ABI3BP: variants seen among roughly 807,000 people sequenced by gnomAD.
The protein encoded by ABI3BP is ABI family member 3 binding protein, also known as target of Nesh-SH3.
A neutral mutation model predicts 268.6 loss-of-function variants in ABI3BP; 216 were observed. The observed-to-expected ratio is 0.80, with a 90% CI of 0.72 to 0.90. ABI3BP has a LOEUF of 0.90. ABI3BP is among the 40% of genes least tolerant of loss of function. The pLI, the probability that ABI3BP is intolerant of heterozygous loss-of-function variation, is 0.00. For missense variants in ABI3BP, 2,090 were observed against 2,182.4 expected, an observed-to-expected ratio of 0.96 and a Z score of 0.84; for synonymous variants, 730 against 730.0, an observed-to-expected ratio of 1.00 and a Z score of 0.00.
At chr3:100,937,893 T>C (rs2066968292) in intron 1 of ABI3BP, among the ~76,000 whole-genome samples, 1 of 151,956 alleles carries the variant, frequency 6.6e-6, no homozygotes, top group Admixed American at 6.6e-5. Context: ...GTCAGAAGCT[T>C]CCAAAAATCA....
chr3:100,749,567 T>TACAAAG lies in ABI3BP; in HGVS notation c.*922_*927dup, dbSNP rs71625569. 2.5e-6 allele frequency: 1 copy of TACAAAG among 397,484 alleles called. No individual in the cohort carries two copies. Among genetic ancestry groups the TACAAAG allele is most frequent in the East Asian group, 3.6e-5 (1 of 27,930 alleles). 24.6% of individuals were successfully genotyped at this position (397,484 alleles called of 1,614,324 possible). A position where few individuals can be genotyped will look rare whatever the true frequency, so the allele number is the denominator to read the frequency against. On this transcript the variant is annotated 3_prime_UTR_variant, in exon 68 of 68. Coordinates refer to ENST00000471714, the MANE Select transcript of ABI3BP (RefSeq NM_001375547.2). ...TTTATTACAGATTGAATTAAACAGTTACAAAGACATTCTCTGATACATTCA... is the reference window on the plus strand; with the variant it reads ...TTTATTACAGATTGAATTAAACAGTTACAAAGACAAAGACATTCTCTGATACATTCA...
At chr3:100,926,252 C>G in intron 2 of ABI3BP, 50 bp downstream of exon 2, 1 of 1,584,216 alleles carries the variant, frequency 6.3e-7, no homozygotes, top group Non-Finnish European at 8.7e-7. Flanking sequence ...TGTTACACCC[C>G]CCCACCTCTT....
At chr3:100,989,625 G>T (rs16843104) in intron 1 of ABI3BP, among the ~76,000 whole-genome samples, 2,320 of 152,276 alleles carry the variant, frequency 0.015, 47 homozygotes, top group East Asian at 0.055. Flanking sequence ...AGGTTCCTCT[G>T]TGGTTTTTCT....
chr3:100,774,189 TG>T (rs1474288858), intron 61 of ABI3BP, among the ~76,000 whole-genome samples: 1 of 152,230 alleles, frequency 6.6e-6, no homozygotes, highest in African/African-American at 2.4e-5. Flanking sequence ...GATTTGATCT[TG>T]GCTGTGTGAC....
At chr3:100,856,392 G>A (rs112993108) in intron 14 of ABI3BP, among the ~76,000 whole-genome samples, 5,464 of 152,202 alleles carry the variant, frequency 0.036, 151 homozygotes, top group Non-Finnish European at 0.05. Flanking sequence ...ACCTCCTAAA[G>A]GAAGCTCCCA....
At chr3:100,943,430 A>T (rs2070485620) in intron 1 of ABI3BP, among the ~76,000 whole-genome samples, 1 of 152,136 alleles carries the variant, frequency 6.6e-6, no homozygotes, top group Non-Finnish European at 1.5e-5. Context: ...AGGTACAATG[A>T]AATACATAAA....
chr3:100,925,621 C>T (rs561308703), intron 2 of ABI3BP, among the ~76,000 whole-genome samples: 1 of 151,980 alleles, frequency 6.6e-6, no homozygotes, highest in South Asian at 2.1e-4. Flanking sequence ...CGTCATGTTG[C>T]CCAGGCTGTC....
intron 9 of ABI3BP, among the ~76,000 whole-genome samples, chr3:100,869,738 T>C (rs186182574): frequency 6.6e-6 from 1 of 152,234 alleles, no homozygotes; most frequent in East Asian, 1.9e-4. Context: ...TCTTGATATA[T>C]CAACCCCTGA....
At chr3:100,943,676 G>T (rs1381975415) in intron 1 of ABI3BP, among the ~76,000 whole-genome samples, 1 of 151,974 alleles carries the variant, frequency 6.6e-6, no homozygotes, top group Non-Finnish European at 1.5e-5. Context: ...TTCATGTAAG[G>T]TCTCTTGCAC....
Position 100,817,515 on chromosome 3 carries a change from TAAAGC to T in ABI3BP, c.3089-25_3089-21del. 1 of 1,414,264 alleles carries T rather than the reference TAAAGC, an allele frequency of 7.1e-7. No homozygotes were observed. Among genetic ancestry groups the T allele is most frequent in the Non-Finnish European group, 9.4e-7 (1 of 1,065,210 alleles). The allele number at this position is 1,414,264 out of a possible 1,614,324, so 87.6% of individuals were successfully genotyped here. On this transcript the variant is annotated intron_variant, in intron 41 of 67. Transcript: ENST00000471714. ...TAACAACTAGACAAAAATAATAAAA[TAAAGC>T]AAAAAGATTTAACTTGAATATTAAT...
intron 1 of ABI3BP, among the ~76,000 whole-genome samples, chr3:100,984,269 T>C (rs1441606266): frequency 2.0e-5 from 3 of 152,210 alleles, no homozygotes; most frequent in Admixed American, 1.3e-4. Context: ...TATTGGGCTA[T>C]AGCCTGTATT....
At chr3:100,813,425 G>A (rs7612334) in intron 45 of ABI3BP, among the ~76,000 whole-genome samples, 70,286 of 151,868 alleles carry the variant, frequency 0.46, 17,747 homozygotes, top group African/African-American at 0.69. Flanking sequence ...CAGATATGTG[G>A]TTATTTTCTA....
At chr3:100,956,883 T>A (rs1199042924) in intron 1 of ABI3BP, among the ~76,000 whole-genome samples, 1 of 152,168 alleles carries the variant, frequency 6.6e-6, no homozygotes, top group Non-Finnish European at 1.5e-5. Flanking sequence ...CATGCCTGGT[T>A]ACTGTGGCTA....
At chr3:100,864,593 G>A (rs921833619) in intron 11 of ABI3BP, 11 of 489,574 alleles carry the variant, frequency 2.2e-5, no homozygotes, top group African/African-American at 1.8e-4. Flanking sequence ...AGGGCATTTA[G>A]TTAGCAATTA....
chr3:100,760,651 C>T (rs2095884303), intron 63 of ABI3BP, among the ~76,000 whole-genome samples: 1 of 152,054 alleles, frequency 6.6e-6, no homozygotes, highest in African/African-American at 2.4e-5. Flanking sequence ...CTTAAGAGAA[C>T]GATAATCCAC....
At position 100,846,402 on chromosome 3, in the gene ABI3BP, G is replaced by C. The variant is rs1280266252; in HGVS notation, c.1693C>G (p.Leu565Val). The change falls in exon 20 of 68, where the codon CTC becomes GTC. Residue 565 changes from leucine to valine, a missense_variant. By Grantham distance (32) the Leu-to-Val change is conservative. Coordinates refer to ENST00000471714, the MANE Select transcript of ABI3BP (RefSeq NM_001375547.2). ...QFISLKPKIP[L>V]SPEVTHTKPA... ...TTGGTGTGTGTCACTTCTGGGCTGA[G>C]AGGGATTTTAGGTTTCAGAGAAATA... 4.4e-6 allele frequency: 7 copies of C among 1,603,350 alleles called. No individual in the cohort carries two copies. The highest frequency in any genetic ancestry group is 6.0e-6 in the Non-Finnish European group (7 of 1,174,606).
chr3:100,896,692 T>C (rs1277569481), intron 4 of ABI3BP, among the ~76,000 whole-genome samples: 1 of 152,150 alleles, frequency 6.6e-6, no homozygotes, highest in Middle Eastern at 3.2e-3. Context: ...CATAAGTGTT[T>C]ATTTTCTCAG....
chr3:100,846,591 A>C, intron 19 of ABI3BP, 145 bp from the exon 20 acceptor site: 2 of 561,554 alleles, frequency 3.6e-6, no homozygotes, highest in Non-Finnish European at 6.2e-6. Context: ...ATATTCCATT[A>C]AGAGAATATT....
chr3:100,952,236 T>C (rs2075326682), intron 1 of ABI3BP, among the ~76,000 whole-genome samples: 1 of 152,190 alleles, frequency 6.6e-6, no homozygotes, highest in African/African-American at 2.4e-5. Context: ...CTATAGTTAA[T>C]AACAATATAG....
Sources: gnomAD v4.1 joint callset for allele counts (sites outside exome capture counted in the v4.1 genomes callset) on GRCh38, gnomAD v4.1.1 for gene constraint, MANE v1.5 for transcripts, NCBI Gene and HGNC (gene_info 2026-07-23, HGNC 2026-07-21) for gene names.